ZNF521: variants seen among roughly 807,000 people sequenced by gnomAD.
The protein encoded by ZNF521 is zinc finger protein 521, also known as LYST-interacting protein 3.
In ZNF521, 14 loss-of-function variants were observed where a neutral mutation model predicts 105.5. That is an observed-to-expected ratio of 0.13 (90% CI 0.09 to 0.21). The LOEUF (loss-of-function observed/expected upper bound fraction) is 0.21, where lower values mean the gene tolerates loss of function less well. ZNF521 is among the 10% of genes least tolerant of loss of function. The pLI, the probability that ZNF521 is intolerant of heterozygous loss-of-function variation, is 1.00. For missense variants in ZNF521, 1,233 were observed against 1,629.7 expected, an observed-to-expected ratio of 0.76 and a Z score of 4.19; for synonymous variants, 635 against 606.0, an observed-to-expected ratio of 1.05 and a Z score of -0.70.
intron 5 of ZNF521, among the ~76,000 whole-genome samples, chr18:25,104,241 T>C (rs1476627502): frequency 6.6e-6 from 1 of 152,288 alleles, no homozygotes; most frequent in East Asian, 1.9e-4. Flanking sequence ...AAAAATTGTA[T>C]ACTATGTCAA....
chr18:25,302,129 A>G (rs1363343795), intron 3 of ZNF521: 2 of 151,932 alleles, frequency 1.3e-5, no homozygotes, highest in African/African-American at 4.8e-5. Flanking sequence ...ATCCAATTGA[A>G]AAGCTCTTAC....
At chr18:25,296,718 G>A (rs1463683412) in intron 3 of ZNF521, among the ~76,000 whole-genome samples, 2 of 152,072 alleles carry the variant, frequency 1.3e-5, no homozygotes, top group Non-Finnish European at 2.9e-5. Flanking sequence ...ACATGAAGGA[G>A]GCCTTCCTGG....
chr18:25,250,328 T>C (rs1908026120), intron 3 of ZNF521, among the ~76,000 whole-genome samples: 1 of 152,228 alleles, frequency 6.6e-6, no homozygotes, highest in South Asian at 2.1e-4. Flanking sequence ...AAAAGAGCCA[T>C]CCCTCAGCTT....
rs553196874 is a variant in ZNF521 at position 25,093,910 on chromosome 18, A to G, written c.3659-1829T>C. Among the ~76,000 whole-genome samples the G allele has an allele frequency of 3.3e-5, 5 of 152,310 alleles. No individual in the cohort carries two copies. In the East Asian group the frequency reaches 9.6e-4, roughly 29 times the overall value. ...GACATTAAGAAATATAAAAAACACTATTTATTGTAAGAAATTGGATTGGCA... is the reference window on the plus strand; with the variant it reads ...GACATTAAGAAATATAAAAAACACTGTTTATTGTAAGAAATTGGATTGGCA... On this transcript the variant is annotated intron_variant, in intron 5 of 7. Coordinates refer to ENST00000361524, the MANE Select transcript of ZNF521 (RefSeq NM_015461.3).
intron 5 of ZNF521, among the ~76,000 whole-genome samples, chr18:25,180,353 T>C (rs2035610998): frequency 6.6e-6 from 1 of 152,198 alleles, no homozygotes; most frequent in African/African-American, 2.4e-5. Flanking sequence ...TGATGGTACA[T>C]TTCAGCATAA....
chr18:25,168,550 C>T (rs968989872), intron 5 of ZNF521, among the ~76,000 whole-genome samples: 6 of 152,146 alleles, frequency 3.9e-5, no homozygotes, highest in African/African-American at 9.7e-5. Context: ...CCACAATAGA[C>T]AACTGCAAAA....
At chr18:25,206,490 G>A (rs1226945936) in intron 4 of ZNF521, among the ~76,000 whole-genome samples, 3 of 151,748 alleles carry the variant, frequency 2.0e-5, no homozygotes, top group Non-Finnish European at 4.4e-5. Context: ...TATCCTTCCA[G>A]CTAGTCTTCT....
At chr18:25,064,285 A>G (rs1157100514) in intron 7 of ZNF521, among the ~76,000 whole-genome samples, 1 of 136,760 alleles carries the variant, frequency 7.3e-6, no homozygotes, top group Non-Finnish European at 1.6e-5. Context: ...TGTCACGGAT[A>G]CACCTAAACC....
intron 3 of ZNF521, among the ~76,000 whole-genome samples, chr18:25,303,321 G>A (rs908551930): frequency 1.5e-4 from 19 of 123,104 alleles, no homozygotes; most frequent in African/African-American, 5.2e-4. Context: ...AGAGAGAGAC[G>A]GAGTCTCGCT....
rs191030997 is a variant in ZNF521, at chr18:25,291,022, C to T, written c.220+30986G>A. On this transcript the variant is annotated intron_variant, in intron 3 of 7. Transcript: ENST00000361524. ...GGGGTGCCTGAGGAAAGGCCAGTAA[C>T]GGAACTACTGTTACAGAGGACTAGC... Among the ~76,000 whole-genome samples the T allele has an allele frequency of 2.6e-5, 4 of 152,126 alleles. No homozygotes were observed. In the East Asian group the frequency reaches 5.8e-4, roughly 22 times the overall value.
At chr18:25,200,620 T>G (rs567720834) in intron 4 of ZNF521, among the ~76,000 whole-genome samples, 1 of 152,108 alleles carries the variant, frequency 6.6e-6, no homozygotes, top group Admixed American at 6.6e-5. Context: ...CTATCCTCCA[T>G]GTATTTTAAC....
Position 25,351,889 on chromosome 18 carries a change from A to G in ZNF521, c.-2+116T>C, listed in dbSNP as rs1004135594. ...CGGCTGCCTCGGCAGCGGCGGCGGC[A>G]GCAGCGGCGGCAGCGGCGGCGGCAG... On this transcript the variant is annotated intron_variant, in intron 1 of 7. Transcript: ENST00000361524. 77 of 278,430 alleles carry G rather than the reference A, an allele frequency of 2.8e-4. No individual in the cohort carries two copies. In the East Asian group the frequency reaches 4.5e-3, roughly 16 times the overall value. 17.2% of individuals were successfully genotyped at this position (278,430 alleles called of 1,614,324 possible).
chr18:25,090,388 A>G (rs1032977985), intron 6 of ZNF521, among the ~76,000 whole-genome samples: 2 of 152,192 alleles, frequency 1.3e-5, no homozygotes, highest in African/African-American at 4.8e-5. Context: ...CTAATCATTA[A>G]AATTATTCTA....
intron 5 of ZNF521, among the ~76,000 whole-genome samples, chr18:25,098,508 TC>T (rs1318528000): frequency 6.6e-6 from 1 of 151,998 alleles, no homozygotes; most frequent in African/African-American, 2.4e-5. Context: ...TCACTTTGAT[TC>T]TTCCTCTCCC....
chr18:25,093,398 G>T (rs147543242), intron 5 of ZNF521, among the ~76,000 whole-genome samples: 1 of 152,132 alleles, frequency 6.6e-6, no homozygotes, highest in Non-Finnish European at 1.5e-5. Context: ...TAGGTCTAGG[G>T]AATGAAAGAC....
intron 5 of ZNF521, among the ~76,000 whole-genome samples, chr18:25,136,297 A>G (rs1049440844): frequency 6.6e-6 from 1 of 152,174 alleles, no homozygotes; most frequent in African/African-American, 2.4e-5. Flanking sequence ...TATTTTAGTA[A>G]GCTTTGGAGA....
chr18:25,349,747 G>A (rs1914632919), intron 2 of ZNF521, among the ~76,000 whole-genome samples: 1 of 150,962 alleles, frequency 6.6e-6, no homozygotes, highest in Admixed American at 6.6e-5. Context: ...GGGGACCAGA[G>A]GGCGGGGCCG....
At chr18:25,350,416 C>T (rs923923370) in intron 2 of ZNF521, among the ~76,000 whole-genome samples, 1 of 152,240 alleles carries the variant, frequency 6.6e-6, no homozygotes, top group Admixed American at 6.5e-5. Context: ...GGCCGGGACC[C>T]CGGGCCACGT....
At chr18:25,295,659 C>T (rs1911284408) in intron 3 of ZNF521, among the ~76,000 whole-genome samples, 1 of 147,822 alleles carries the variant, frequency 6.8e-6, no homozygotes, top group African/African-American at 2.5e-5. Context: ...AAATAAAATA[C>T]ATTAAAAGAA....
Sources: allele counts gnomAD v4.1 joint callset (sites outside exome capture counted in the v4.1 genomes callset), GRCh38; gene constraint gnomAD v4.1.1; transcripts MANE v1.5; gene names NCBI Gene and HGNC (gene_info 2026-07-23, HGNC 2026-07-21).